The following AGRN variants were observed in gnomAD, a reference collection of about 807,000 sequenced individuals.
AGRN encodes the protein agrin proteoglycan.
A neutral mutation model predicts 211.0 loss-of-function variants in AGRN; 106 were observed. The ratio of observed to expected loss-of-function variants is 0.50; its 90% CI spans 0.43 to 0.59. AGRN has a LOEUF of 0.59. Ranked by LOEUF, AGRN falls within the 20% of genes least tolerant of loss-of-function variation. The pLI, the probability that AGRN is intolerant of heterozygous loss-of-function variation, is 0.00. For synonymous variants in AGRN, 1,525 were observed against 1,332.5 expected, an observed-to-expected ratio of 1.14 and a Z score of -3.15; for missense variants, 3,040 against 2,982.6, an observed-to-expected ratio of 1.02 and a Z score of -0.45.
intron 3 of AGRN, among the ~76,000 whole-genome samples, chr1:1,036,846 G>A (rs754718410): frequency 4.6e-5 from 7 of 152,198 alleles, no homozygotes; most frequent in African/African-American, 1.2e-4. Context: ...GCCTCATGCC[G>A]GTGGGGTTGC....
At chr1:1,040,997 AGGAGCGGGGCTGGGAGGGGCCTGGGGGGC>A (rs1644916154) in intron 4 of AGRN, 117 bp downstream of exon 4, 4 of 252,770 alleles carry the variant, frequency 1.6e-5, no homozygotes, top group Non-Finnish European at 2.4e-5. Context: ...CCCGGCGGGG[AGGAGCGGGGCTGGGAGGGGCCTGGGGGGC>A]GGAGCGGGGC....
intron 2 of AGRN, chr1:1,034,672 C>G: frequency 1.0e-6 from 1 of 989,196 alleles, no homozygotes; most frequent in Non-Finnish European, 1.2e-6. Context: ...CCGCCACGCT[C>G]GGCTTCGCGG....
Position 1,043,814 on chromosome 1 carries a change from C to T in AGRN, c.1799-9C>T. The T allele has an allele frequency of 2.5e-6, 4 of 1,610,372 alleles. No individual in the cohort carries two copies. The highest frequency in any genetic ancestry group is 3.4e-6 in the Non-Finnish European group (4 of 1,179,846). ...CCTGCCGACCCCTGCCTGGCTCTGT[C>T]TCCTGCAGAGACCTGTGGAGATGCC... On this transcript the variant is annotated splice_polypyrimidine_tract_variant and intron_variant, in intron 9 of 35. Coordinates refer to ENST00000379370, the MANE Select transcript of AGRN (RefSeq NM_198576.4).
rs1199284352 is a variant in AGRN, at chr1:1,043,254, C to T, written c.1400C>T (p.Pro467Leu). 6 of 1,608,104 alleles carry T rather than the reference C, an allele frequency of 3.7e-6. No individual in the cohort carries two copies. The highest frequency in any genetic ancestry group is 1.7e-5 in the Admixed American group (1 of 59,028). ...TCCTTCCCAGACCAGGCCCCGTCCC[C>T]ATGCCTCGGGGTGCAGTGTGCATTT... ...HQGPCDQAPS[P>L]CLGVQCAFGA... Residue 467 changes from proline (P) to leucine (L), a missense_variant, in exon 8 of 36, where the codon CCA becomes CTA. Around this residue, in one of 3 missense-constraint regions of AGRN, gnomAD observed 1,498 missense variants for 1,457.8 expected, o/e 1.03. Coordinates refer to ENST00000379370, the MANE Select transcript of AGRN (RefSeq NM_198576.4).
At chr1:1,049,204 C>T (rs773535175) in intron 24 of AGRN, 32 bp from the exon 25 acceptor site, 23 of 1,514,056 alleles carry the variant, frequency 1.5e-5, no homozygotes, top group East Asian at 1.2e-4. Flanking sequence ...CGGGGCCGGG[C>T]GATGGTCCTG....
intron 2 of AGRN, among the ~76,000 whole-genome samples, chr1:1,029,897 G>GCA (rs1491357974): frequency 1.6e-5 from 1 of 63,470 alleles, no homozygotes; most frequent in African/African-American, 5.1e-5. Flanking sequence ...TGTGAGATCA[G>GCA]TGTGTGTGTG....
At position 1,050,611 on chromosome 1, in the gene AGRN, T is replaced by C; in HGVS notation, c.5141+20T>C. On this transcript the variant is annotated intron_variant, in intron 29 of 35. Coordinates refer to ENST00000379370, the MANE Select transcript of AGRN (RefSeq NM_198576.4). ...CATCAGGTGGGCCGGCAAGGGTGGC[T>C]CTGGGAGGCCTGGGGCACTGGCCCG... The C allele has an allele frequency of 2.5e-6, 4 of 1,606,190 alleles. No individual in the cohort carries two copies. The highest frequency in any genetic ancestry group is 3.4e-6 in the Non-Finnish European group (4 of 1,176,604).
At chr1:1,033,049 T>G (rs1644707346) in intron 2 of AGRN, among the ~76,000 whole-genome samples, 1 of 151,920 alleles carries the variant, frequency 6.6e-6, no homozygotes, top group African/African-American at 2.4e-5. Context: ...CAGACCCCCA[T>G]TCCCCGCCCC....
Position 1,048,125 on chromosome 1 carries a change from C to T in AGRN, c.3865C>T (p.Pro1289Ser), listed in dbSNP as rs2100668078. Residue 1289 changes from proline to serine, a missense_variant, in exon 23 of 36, where the codon CCG becomes TCG. Physicochemically the swap from Pro to Ser is moderately conservative, Grantham distance 74. This residue lies in a region of AGRN where 1,537 missense variants were observed against 1,505.0 expected (regional missense o/e 1.02). Transcript: ENST00000379370. This position sits in a 1 kb window ranked among gnomAD's most constrained non-coding sequence, Gnocchi z 5.9. ...LPSSAVTPRA[P>S]HPSHTSQPVA... Reference sequence around the variant, plus strand: ...GTCCTCTGCTGTGACCCCTCGGGCCCCGCACCCCAGTCACACAAGCCAGCC... The same window carrying T: ...GTCCTCTGCTGTGACCCCTCGGGCCTCGCACCCCAGTCACACAAGCCAGCC... 3 of 1,570,504 alleles carry T rather than the reference C, an allele frequency of 1.9e-6. No individual in the cohort carries two copies. The highest frequency in any genetic ancestry group is 1.3e-5 in the African/African-American group (1 of 74,118).
At chr1:1,033,658 C>G in intron 2 of AGRN, among the ~76,000 whole-genome samples, 1 of 127,500 alleles carries the variant, frequency 7.8e-6, no homozygotes, top group African/African-American at 2.9e-5. Context: ...CCCAGTCCCA[C>G]CCCCGGCCCC....
chr1:1,051,237 C>T lies in AGRN; in HGVS notation c.5254-16C>T, dbSNP rs546981001. ...TGGGTGGGCTCTGCACAGCCACTTA[C>T]CTGGCGTCCCCGCAGGTTCCGCACA... On this transcript the variant is annotated splice_polypyrimidine_tract_variant and intron_variant, in intron 30 of 35. Coordinates refer to ENST00000379370, the MANE Select transcript of AGRN (RefSeq NM_198576.4). 8 of 1,579,136 alleles carry T rather than the reference C, an allele frequency of 5.1e-6. No homozygotes were observed. Among genetic ancestry groups the T allele is most frequent in the Non-Finnish European group, 6.9e-6 (8 of 1,163,834 alleles).
intron 33 of AGRN, chr1:1,053,106 C>G (rs1255598166): frequency 8.0e-6 from 2 of 250,542 alleles, no homozygotes; most frequent in Non-Finnish European, 1.6e-5. Context: ...CATCCAAGCC[C>G]CTGGTCTCCA....
chr1:1,040,649 C>G lies in AGRN; in HGVS notation c.512-16C>G, dbSNP rs935544428. 1.6e-5 allele frequency: 25 copies of G among 1,546,802 alleles called. No homozygotes were observed. Among genetic ancestry groups the G allele is most frequent in the Non-Finnish European group, 2.1e-5 (24 of 1,146,280 alleles). ...GGCGTCTCGGCACCCTGAGCTTTCT[C>G]CCCTACCCGCCCCAGCGTGCCGGGG... On this transcript the variant is annotated splice_polypyrimidine_tract_variant and intron_variant, in intron 3 of 35. Transcript: ENST00000379370.
In AGRN at chr1:1,022,278, G is replaced by T. The variant is rs1259823472; in HGVS notation, c.279G>T (p.Val93=). The T allele has an allele frequency of 6.2e-7, 1 of 1,613,304 alleles. No homozygotes were observed. Among genetic ancestry groups the T allele is most frequent in the Admixed American group, 1.7e-5 (1 of 60,032 alleles). Residue 93 remains valine (V), a synonymous_variant, in exon 2 of 36, where the codon GTG becomes GTT. Coordinates refer to ENST00000379370, the MANE Select transcript of AGRN (RefSeq NM_198576.4). Reference sequence around the variant, plus strand: ...TGCTGGACGGCGGCAACAAGGTGGTGATCAGCGGCTTTGGAGACCCCCTCA... The same window carrying T: ...TGCTGGACGGCGGCAACAAGGTGGTTATCAGCGGCTTTGGAGACCCCCTCA... ...ESLLDGGNKV[V]ISGFGDPLIC...
At chr1:1,027,258 G>A (rs1644541386) in intron 2 of AGRN, among the ~76,000 whole-genome samples, 1 of 152,220 alleles carries the variant, frequency 6.6e-6, no homozygotes, top group African/African-American at 2.4e-5. Flanking sequence ...GTGTGTACAC[G>A]CATGTGTGTG....
At chr1:1,026,376 C>T (rs1380185317) in intron 2 of AGRN, among the ~76,000 whole-genome samples, 1 of 152,172 alleles carries the variant, frequency 6.6e-6, no homozygotes, top group Non-Finnish European at 1.5e-5. Context: ...ATCATTAGCC[C>T]CACAGCCTGC....
chr1:1,050,670 G>T, intron 29 of AGRN, 56 bp from the exon 30 acceptor site: 3 of 1,604,322 alleles, frequency 1.9e-6, no homozygotes, highest in Non-Finnish European at 1.7e-6. Context: ...TCAGGCCCTG[G>T]GTGGTCGCGT....
Position 1,044,361 on chromosome 1 carries a change from A to G in AGRN, c.2176A>G (p.Ser726Gly). The change falls in exon 12 of 36, where the codon AGC becomes GGC. Residue 726 changes from serine to glycine, a missense_variant. By Grantham distance (56) the Ser-to-Gly change is moderately conservative. This residue lies in a region of AGRN where 1,498 missense variants were observed against 1,457.8 expected (regional missense o/e 1.03). Coordinates refer to ENST00000379370, the MANE Select transcript of AGRN (RefSeq NM_198576.4). ...GTGCGGCTCAGATGGGGTCACCTAC[A>G]GCACCGAGTGTGAGCTGAAGAAGGC... ...PVCGSDGVTY[S>G]TECELKKARC... 6.2e-7 allele frequency: 1 copy of G among 1,612,752 alleles called. No homozygotes were observed. The highest frequency in any genetic ancestry group is 2.2e-5 in the East Asian group (1 of 44,874).
In AGRN at chr1:1,049,274, C is replaced by T. The variant is rs1027231298; in HGVS notation, c.4337C>T (p.Ala1446Val). 7.5e-6 allele frequency: 12 copies of T among 1,594,922 alleles called. No individual in the cohort carries two copies. Among genetic ancestry groups the T allele is most frequent in the South Asian group, 1.1e-5 (1 of 90,002 alleles). Residue 1446 changes from alanine to valine, a missense_variant, in exon 25 of 36, where the codon GCC becomes GTC. By Grantham distance (64) the Ala-to-Val change is moderately conservative. Coordinates refer to ENST00000379370, the MANE Select transcript of AGRN (RefSeq NM_198576.4). ...TCGGGGCCGGCGGTGCTGACCAGTG[C>T]CGTGCCGGTAGAGCCGGGCCAGTGG... is the stretch of plus-strand genomic sequence containing the variant. ...TGSGPAVLTSAVPVEPGQWHR... is the reference protein window; with the variant it reads ...TGSGPAVLTSVVPVEPGQWHR...
Sources: gnomAD v4.1 joint callset for allele counts (sites outside exome capture counted in the v4.1 genomes callset) on GRCh38, gnomAD v4.1.1 for gene constraint, gnomAD v4.1.1 regional missense constraint, Gnocchi (gnomAD v3.1) non-coding constraint, MANE v1.5 for transcripts, NCBI Gene and HGNC (gene_info 2026-07-23, HGNC 2026-07-21) for gene names.